Variants in FTO observed in about 807,000 individuals in gnomAD.
FTO encodes the protein alpha-ketoglutarate-dependent dioxygenase FTO.
Under a neutral mutation model 63.9 loss-of-function variants are expected in FTO, and 47 were observed. The ratio of observed to expected loss-of-function variants is 0.74; its 90% CI spans 0.58 to 0.94. The LOEUF (loss-of-function observed/expected upper bound fraction) is 0.94, where lower values mean the gene tolerates loss of function less well. FTO is among the 40% of genes least tolerant of loss of function. The pLI is 0.00. For missense variants in FTO, 562 were observed against 618.1 expected (o/e 0.91, Z 0.96); for synonymous variants, 207 against 224.4 (o/e 0.92, Z 0.69).
intron 8 of FTO, among the ~76,000 whole-genome samples, chr16:53,955,241 C>T (rs914237295): frequency 1.3e-5 from 2 of 152,182 alleles, no homozygotes; most frequent in Admixed American, 1.3e-4. Context: ...GAACACCTAA[C>T]AGTGTCCCTG....
intron 8 of FTO, among the ~76,000 whole-genome samples, chr16:53,986,520 G>A (rs1321945423): frequency 6.6e-6 from 1 of 152,172 alleles, no homozygotes; most frequent in African/African-American, 2.4e-5. Flanking sequence ...GCAATTACTG[G>A]CATGTAATGC....
chr16:53,771,732 A>T (rs141045492), intron 1 of FTO, among the ~76,000 whole-genome samples: 1 of 152,240 alleles, frequency 6.6e-6, no homozygotes, highest in African/African-American at 2.4e-5. Flanking sequence ...ATCAATGATG[A>T]ATGTACAATT....
At chr16:53,774,110 T>A (rs529693212) in intron 1 of FTO, among the ~76,000 whole-genome samples, 106 of 152,260 alleles carry the variant, frequency 7.0e-4, no homozygotes, top group African/African-American at 2.6e-3. Context: ...TGGTCAGAAT[T>A]AACCGACAGA....
chr16:53,845,395 G>A (rs931372882), intron 4 of FTO, among the ~76,000 whole-genome samples: 1 of 152,146 alleles, frequency 6.6e-6, no homozygotes, highest in African/African-American at 2.4e-5. Flanking sequence ...ATTGGAGGTG[G>A]ATGAATCTTG....
chr16:54,028,441 G>C (rs967780983), intron 8 of FTO, among the ~76,000 whole-genome samples: 1 of 152,134 alleles, frequency 6.6e-6, no homozygotes, highest in South Asian at 2.1e-4. Context: ...GTTCCTTTTG[G>C]TCATTTTCAC....
chr16:53,952,246 C>T (rs1165186378), intron 8 of FTO, among the ~76,000 whole-genome samples: 1 of 152,172 alleles, frequency 6.6e-6, no homozygotes, highest in Non-Finnish European at 1.5e-5. Context: ...CCCAGGCAGT[C>T]AGCTTCTGGT....
Position 53,844,056 on chromosome 16 carries a change from A to G in FTO, c.752-99A>G, listed in dbSNP as rs112997407. 9.6e-3 allele frequency: 8,790 copies of G among 917,680 alleles called. 312 individuals are homozygous for G. The highest frequency in any genetic ancestry group is 0.094 in the African/African-American group (5,671 of 60,112). 56.8% of individuals were successfully genotyped at this position (917,680 alleles called of 1,614,324 possible). ...AAGATATATTTCATTTAATATTCAT[A>G]TTTTATTAAAATATCAATTCTTTCT... On this transcript the variant is annotated intron_variant, in intron 3 of 8. Coordinates refer to ENST00000471389, the MANE Select transcript of FTO (RefSeq NM_001080432.3).
intron 1 of FTO, among the ~76,000 whole-genome samples, chr16:53,778,575 T>A (rs192244746): frequency 7.2e-5 from 11 of 152,298 alleles, no homozygotes; most frequent in Admixed American, 6.5e-5. Context: ...GCCAATCTAC[T>A]GCACTATGCC....
intron 8 of FTO, chr16:54,039,657 G>T (rs941249216): frequency 6.6e-6 from 1 of 152,190 alleles, no homozygotes; most frequent in African/African-American, 2.4e-5. Context: ...CTCCACACTT[G>T]TTCTAACTCA....
intron 1 of FTO, among the ~76,000 whole-genome samples, chr16:53,763,374 G>A (rs995325396): frequency 6.6e-6 from 1 of 152,020 alleles, no homozygotes; most frequent in African/African-American, 2.4e-5. Context: ...AATTTTACTC[G>A]TGGTTTATTT....
At chr16:53,990,591 C>T (rs756253938) in intron 8 of FTO, among the ~76,000 whole-genome samples, 21 of 152,160 alleles carry the variant, frequency 1.4e-4, no homozygotes, top group African/African-American at 3.6e-4. Context: ...TGGCCATTTA[C>T]TGAGCATGTA....
At chr16:54,033,061 A>T (rs1373058469) in intron 8 of FTO, among the ~76,000 whole-genome samples, 2 of 152,182 alleles carry the variant, frequency 1.3e-5, no homozygotes, top group Admixed American at 6.5e-5. Flanking sequence ...TGAGTCAATT[A>T]AACCTCTTTT....
intron 8 of FTO, among the ~76,000 whole-genome samples, chr16:53,977,640 A>C (rs1490663160): frequency 6.6e-6 from 1 of 152,068 alleles, no homozygotes; most frequent in Non-Finnish European, 1.5e-5. Context: ...TACTCTTTCA[A>C]CTTTTTTGCT....
chr16:53,711,834 T>C (rs982651976), intron 1 of FTO, among the ~76,000 whole-genome samples: 2 of 152,240 alleles, frequency 1.3e-5, no homozygotes, highest in Non-Finnish European at 2.9e-5. Flanking sequence ...ATCCAGAATA[T>C]GTAACCTACC....
chr16:53,819,783 A>C (rs1403160676), intron 2 of FTO, among the ~76,000 whole-genome samples: 1 of 152,130 alleles, frequency 6.6e-6, no homozygotes, highest in Non-Finnish European at 1.5e-5. Context: ...TTTTTGGTAA[A>C]TTTCCAGAGG....
rs189028441 is a variant in FTO, at chr16:54,082,429, G to C, written c.1365-29333G>C. On this transcript the variant is annotated intron_variant, in intron 8 of 8. Transcript: ENST00000471389. ...ATGTCAAGTGCAGCCTGGGGCTTGGGGTGTCCAGTCCAGAAATCTGCCTTT... is the reference window on the plus strand; with the variant it reads ...ATGTCAAGTGCAGCCTGGGGCTTGGCGTGTCCAGTCCAGAAATCTGCCTTT... Among the ~76,000 whole-genome samples the C allele has an allele frequency of 4.3e-3, 661 of 152,262 alleles. 12 individuals are homozygous for C. The highest frequency in any genetic ancestry group is 0.032 in the Admixed American group (488 of 15,286).
At chr16:53,753,268 A>C (rs2076842664) in intron 1 of FTO, among the ~76,000 whole-genome samples, 1 of 150,940 alleles carries the variant, frequency 6.6e-6, no homozygotes, top group Admixed American at 6.6e-5. Context: ...AAAAAAAAAA[A>C]CAAAACAAAA....
intron 4 of FTO, among the ~76,000 whole-genome samples, chr16:53,853,805 T>C (rs2079890936): frequency 6.6e-6 from 1 of 152,218 alleles, no homozygotes; most frequent in South Asian, 2.1e-4. Flanking sequence ...GATATCTTTT[T>C]GATATAATGA....
chr16:53,764,475 C>CG, intron 1 of FTO, among the ~76,000 whole-genome samples: 1 of 118,716 alleles, frequency 8.4e-6, no homozygotes, highest in South Asian at 2.7e-4. Flanking sequence ...ACTAAAAATA[C>CG]AAAAAAAAAA....
Sources: gnomAD v4.1 joint callset for allele counts (sites outside exome capture counted in the v4.1 genomes callset) on GRCh38, gnomAD v4.1.1 for gene constraint, MANE v1.5 for transcripts, NCBI Gene and HGNC (gene_info 2026-07-23, HGNC 2026-07-21) for gene names.